DDX21: variants seen among roughly 807,000 people sequenced by gnomAD.
DDX21 encodes nucleolar RNA helicase 2.
DDX21 carries 18 observed loss-of-function variants against 90.0 expected under a neutral mutation model. The ratio of observed to expected loss-of-function variants is 0.20; its 90% CI spans 0.14 to 0.30. The LOEUF (loss-of-function observed/expected upper bound fraction) is 0.30, where lower values mean the gene tolerates loss of function less well. Among genes scored for constraint, DDX21 ranks in the 10% least tolerant of loss-of-function variants. DDX21 has a pLI of 1.00. For synonymous variants in DDX21, 294 were observed against 318.0 expected, an observed-to-expected ratio of 0.92 and a Z score of 0.80; for missense variants, 673 against 944.5, an observed-to-expected ratio of 0.71 and a Z score of 3.77.
At chr10:68,966,567 C>G (rs938701232) in intron 5 of DDX21, among the ~76,000 whole-genome samples, 2 of 152,026 alleles carry the variant, frequency 1.3e-5, no homozygotes, top group African/African-American at 2.4e-5. Context: ...CTCAGCCTCC[C>G]GAGTAGCTGG....
At chr10:68,976,088 G>A (rs1239914111) in intron 11 of DDX21, among the ~76,000 whole-genome samples, 3 of 151,244 alleles carry the variant, frequency 2.0e-5, no homozygotes, top group African/African-American at 7.3e-5. Context: ...AAAATTAGAT[G>A]TGGTAGCAAG....
Position 68,981,537 on chromosome 10 carries a change from G to C in DDX21, c.2038G>C (p.Gly680Arg). The change falls in exon 14 of 15, where the codon GGT becomes CGT. Residue 680 changes from glycine (G) to arginine (R), a missense_variant and splice_region_variant. Physicochemically the swap from Gly to Arg is moderately radical, Grantham distance 125 (BLOSUM62 -2). Transcript: ENST00000354185. ...KGMVFLKGKL[G>R]VCFDVPTASV... ...AACTTCCATTTGCTTTGATTTCTAG[G>C]GTGTTTGCTTTGATGTACCTACCGC... 6.2e-7 allele frequency: 1 copy of C among 1,612,526 alleles called. No homozygotes were observed. Among genetic ancestry groups the C allele is most frequent in the South Asian group, 1.1e-5 (1 of 90,808 alleles).
intron 12 of DDX21, among the ~76,000 whole-genome samples, chr10:68,978,394 TTTAA>T (rs1843137467): frequency 6.6e-6 from 1 of 152,218 alleles, no homozygotes. Flanking sequence ...GTATGTGATT[TTTAA>T]TTGTTTTAAT....
At chr10:68,979,009 G>T (rs1309247544) in intron 13 of DDX21, 33 bp downstream of exon 13, 2 of 1,612,300 alleles carry the variant, frequency 1.2e-6, no homozygotes, top group East Asian at 4.5e-5. Context: ...AACCTTGATG[G>T]GGCTTTATGT....
chr10:68,960,774 T>A (rs972742621), intron 2 of DDX21, among the ~76,000 whole-genome samples: 23 of 142,392 alleles, frequency 1.6e-4, no homozygotes, highest in Non-Finnish European at 3.0e-5. Context: ...ACTCTGTCTT[T>A]AAAAAAAAAA....
rs755118518 is a variant in DDX21, at chr10:68,982,722, G to T, written c.2262G>T (p.Pro754=). 3 of 1,614,128 alleles carry T rather than the reference G, an allele frequency of 1.9e-6. No homozygotes were observed. The highest frequency in any genetic ancestry group is 2.5e-6 in the Non-Finnish European group (3 of 1,180,020). ...FRGQREGSRG[P]RGQRSGGGNK... is the part of the protein sequence containing the mutation. ...GACAGCGGGAAGGCAGTAGAGGCCC[G>T]AGAGGACAGCGATCAGGAGGTGGCA... Residue 754 remains proline (P), a synonymous_variant, in exon 15 of 15, where the codon CCG becomes CCT. Coordinates refer to ENST00000354185, the MANE Select transcript of DDX21 (RefSeq NM_004728.4).
chr10:68,958,658 CCTT>C (rs1396511443), intron 1 of DDX21, among the ~76,000 whole-genome samples: 2 of 152,060 alleles, frequency 1.3e-5, no homozygotes, highest in Admixed American at 6.5e-5. Context: ...AGGATGGTCT[CCTT>C]CTCCTGACCT....
At chr10:68,976,252 G>A (rs188428373) in intron 11 of DDX21, among the ~76,000 whole-genome samples, 72 of 149,676 alleles carry the variant, frequency 4.8e-4, no homozygotes, top group African/African-American at 1.7e-3. Context: ...AAGGAAGGAA[G>A]AAAGAAGACA....
chr10:68,982,028 C>G (rs1048113105), intron 14 of DDX21, among the ~76,000 whole-genome samples: 5 of 152,106 alleles, frequency 3.3e-5, no homozygotes, highest in Admixed American at 2.6e-4. Context: ...CCCATCACTA[C>G]CCCCAGCTAA....
chr10:68,956,348 GA>G, intron 1 of DDX21, 36 bp downstream of exon 1: 1 of 1,612,898 alleles, frequency 6.2e-7, no homozygotes, highest in South Asian at 1.1e-5. Context: ...GAGGGACGCT[GA>G]ATGGAGCGGA....
intron 12 of DDX21, 88 bp from the exon 13 acceptor site, chr10:68,978,754 G>T: frequency 6.6e-7 from 1 of 1,503,964 alleles, no homozygotes; most frequent in Admixed American, 2.2e-5. Flanking sequence ...AACTTTTCAA[G>T]AAATATTTTA....
intron 11 of DDX21, among the ~76,000 whole-genome samples, chr10:68,976,944 A>C (rs1843110153): frequency 6.7e-6 from 1 of 149,800 alleles, no homozygotes. Context: ...TATTTCTTTT[A>C]TTTTCTTTTT....
chr10:68,981,288 A>G (rs1268590084), intron 13 of DDX21, among the ~76,000 whole-genome samples: 1 of 152,044 alleles, frequency 6.6e-6, no homozygotes, highest in Non-Finnish European at 1.5e-5. Context: ...AATAGCTAAG[A>G]CTCTGTCTAT....
At chr10:68,960,399 C>A (rs1485146805) in intron 2 of DDX21, 150 bp downstream of exon 2, 2 of 685,352 alleles carry the variant, frequency 2.9e-6, no homozygotes, top group East Asian at 3.1e-5. Flanking sequence ...CTGACTGGGA[C>A]TTCATCTTAA....
Position 68,965,451 on chromosome 10 carries a change from G to C in DDX21, c.861G>C (p.Leu287=). 6.2e-7 allele frequency: 1 copy of C among 1,613,950 alleles called. No homozygotes were observed. Among genetic ancestry groups the C allele is most frequent in the Non-Finnish European group, 8.5e-7 (1 of 1,179,972 alleles). ...ACTTCAGTGACATCACAAAAAAGCT[G>C]TCAGTGGCTTGTTTTTATGGTGGAA... ...SKDFSDITKK[L]SVACFYGGTP... is the part of the protein sequence containing the mutation. Residue 287 remains leucine (L), a synonymous_variant, in exon 5 of 15, where the codon CTG becomes CTC. Transcript: ENST00000354185.
At chr10:68,965,805 G>C (rs1842931677) in intron 5 of DDX21, among the ~76,000 whole-genome samples, 1 of 152,060 alleles carries the variant, frequency 6.6e-6, no homozygotes, top group Non-Finnish European at 1.5e-5. Context: ...GGTTCCTCTT[G>C]TCTGTCAGGA....
chr10:68,974,573 A>G, intron 10 of DDX21, 97 bp from the exon 11 acceptor site: 1 of 896,176 alleles, frequency 1.1e-6, no homozygotes, highest in Non-Finnish European at 1.8e-6. Context: ...AATGTAATAC[A>G]TACATTTGGC....
chr10:68,957,404 G>C lies in DDX21; in HGVS notation c.87+1092G>C, dbSNP rs564659601. 2.0e-4 allele frequency among the ~76,000 whole-genome samples: 31 copies of C among 152,292 alleles called. 1 individual carries two copies. The highest frequency in any genetic ancestry group is 7.0e-4 in the African/African-American group (29 of 41,562). On this transcript the variant is annotated intron_variant, in intron 1 of 14. Transcript: ENST00000354185. ...TGATTTAACTTGTGACTGAGTCTCT[G>C]TTCTGAGATCAAGTCAGTGGGAACA...
At chr10:68,969,344 A>G (rs552901076) in intron 7 of DDX21, among the ~76,000 whole-genome samples, 27 of 152,270 alleles carry the variant, frequency 1.8e-4, no homozygotes, top group East Asian at 9.6e-4. Flanking sequence ...CAGTGGCGCA[A>G]TCTCCGTTCA....
Sources: gnomAD v4.1 joint callset for allele counts (sites outside exome capture counted in the v4.1 genomes callset) on GRCh38, gnomAD v4.1.1 for gene constraint, MANE v1.5 for transcripts, NCBI Gene and HGNC (gene_info 2026-07-23, HGNC 2026-07-21) for gene names.